KCND2: variants seen among roughly 807,000 people sequenced by gnomAD.
KCND2 encodes the protein potassium voltage-gated channel subfamily D member 2.
In KCND2, 16 loss-of-function variants were observed where a neutral mutation model predicts 54.4. The ratio of observed to expected loss-of-function variants is 0.29; its 90% CI spans 0.20 to 0.45. The LOEUF is 0.45. Among genes scored for constraint, KCND2 ranks in the 20% least tolerant of loss-of-function variants. The pLI is 1.00. For synonymous variants in KCND2, 317 were observed against 310.7 expected (o/e 1.02, Z -0.21); for missense variants, 486 against 824.2 (o/e 0.59, Z 5.02).
At chr7:120,568,776 G>A (rs1477255483) in intron 1 of KCND2, among the ~76,000 whole-genome samples, 2 of 152,136 alleles carry the variant, frequency 1.3e-5, no homozygotes, top group Non-Finnish European at 2.9e-5. Flanking sequence ...GGGTTGCTTT[G>A]AGGATAAAAC....
At chr7:120,706,973 C>G (rs939257620) in intron 1 of KCND2, among the ~76,000 whole-genome samples, 1 of 152,042 alleles carries the variant, frequency 6.6e-6, no homozygotes, top group Non-Finnish European at 1.5e-5. Context: ...AGTTGAGGTA[C>G]AAAACACAAG....
At chr7:120,399,444 TTAAAAA>T (rs1464340929) in intron 1 of KCND2, among the ~76,000 whole-genome samples, 1 of 151,738 alleles carries the variant, frequency 6.6e-6, no homozygotes, top group Non-Finnish European at 1.5e-5. Flanking sequence ...CTTTTACTAC[TTAAAAA>T]TAAAAAATGT....
chr7:120,506,813 C>A (rs1244952204), intron 1 of KCND2, among the ~76,000 whole-genome samples: 1 of 151,760 alleles, frequency 6.6e-6, no homozygotes, highest in African/African-American at 2.4e-5. Context: ...TATCTGTAGA[C>A]AGAATTTTTT....
chr7:120,495,493 C>T (rs1044116152), intron 1 of KCND2, among the ~76,000 whole-genome samples: 1 of 152,202 alleles, frequency 6.6e-6, no homozygotes, highest in Admixed American at 6.5e-5. Context: ...GTTACTGACC[C>T]AGAACTATGC....
chr7:120,645,257 T>C (rs1008094822), intron 1 of KCND2, among the ~76,000 whole-genome samples: 2 of 152,216 alleles, frequency 1.3e-5, no homozygotes, highest in African/African-American at 4.8e-5. Context: ...GTCTAGTGGC[T>C]GACCACGTGT....
intron 1 of KCND2, among the ~76,000 whole-genome samples, chr7:120,560,894 A>G (rs568865403): frequency 3.9e-5 from 6 of 152,220 alleles, no homozygotes; most frequent in Admixed American, 2.0e-4. Flanking sequence ...GAGAAGTTGT[A>G]TGTGACTAGC....
At chr7:120,364,349 A>G (rs907543525) in intron 1 of KCND2, among the ~76,000 whole-genome samples, 5 of 152,168 alleles carry the variant, frequency 3.3e-5, no homozygotes, top group African/African-American at 7.2e-5. Context: ...TTTTGGTACT[A>G]TTAACTCCAG....
intron 1 of KCND2, among the ~76,000 whole-genome samples, chr7:120,437,614 A>G (rs1801887993): frequency 6.6e-6 from 1 of 152,208 alleles, no homozygotes; most frequent in Non-Finnish European, 1.5e-5. Flanking sequence ...CCAACCCCCT[A>G]GAGATAAATG....
At chr7:120,683,627 C>T (rs961724438) in intron 1 of KCND2, among the ~76,000 whole-genome samples, 1 of 152,070 alleles carries the variant, frequency 6.6e-6, no homozygotes, top group African/African-American at 2.4e-5. Flanking sequence ...ATGATTATGA[C>T]ATTCTGTGTC....
At chr7:120,509,202 T>C (rs1475962619) in intron 1 of KCND2, among the ~76,000 whole-genome samples, 7 of 151,994 alleles carry the variant, frequency 4.6e-5, no homozygotes, top group Non-Finnish European at 1.0e-4. Context: ...TGTGATGTGG[T>C]ATTCTGGATG....
chr7:120,300,444 T>A (rs780279830), intron 1 of KCND2, among the ~76,000 whole-genome samples: 1 of 152,030 alleles, frequency 6.6e-6, no homozygotes, highest in Non-Finnish European at 1.5e-5. Flanking sequence ...CCTTAGAAAA[T>A]AAAGAGCATT....
At chr7:120,546,627 ATTC>A (rs1792045404) in intron 1 of KCND2, among the ~76,000 whole-genome samples, 1 of 151,888 alleles carries the variant, frequency 6.6e-6, no homozygotes, top group Non-Finnish European at 1.5e-5. Flanking sequence ...ATTTTTTATA[ATTC>A]TTCTATCTCC....
intron 1 of KCND2, among the ~76,000 whole-genome samples, chr7:120,530,911 C>T (rs1002502641): frequency 2.0e-5 from 3 of 152,028 alleles, no homozygotes; most frequent in East Asian, 1.9e-4. Flanking sequence ...TCAGGTTACA[C>T]GATTCATCAT....
chr7:120,676,116 G>A, intron 1 of KCND2, among the ~76,000 whole-genome samples: 1 of 152,124 alleles, frequency 6.6e-6, no homozygotes, highest in East Asian at 1.9e-4. Flanking sequence ...GAGATTACAG[G>A]TGTGAGCCAC....
Position 120,275,560 on chromosome 7 carries a change from C to T in KCND2, c.928C>T (p.Leu310=), listed in dbSNP as rs1799161143. The T allele has an allele frequency of 6.2e-7, 1 of 1,613,632 alleles. No individual in the cohort carries two copies. The highest frequency in any genetic ancestry group is 1.7e-5 in the Admixed American group (1 of 59,968). ...IFKFSRHSQG[L]RILGYTLKSC... ...TAAGTTTTCCCGCCACTCTCAAGGCCTGCGCATCCTGGGGTACACACTGAA... is the reference window on the plus strand; with the variant it reads ...TAAGTTTTCCCGCCACTCTCAAGGCTTGCGCATCCTGGGGTACACACTGAA... The change falls in exon 1 of 6, where the codon CTG becomes TTG. Residue 310 remains leucine, a synonymous_variant. Transcript: ENST00000331113.
intron 1 of KCND2, among the ~76,000 whole-genome samples, chr7:120,327,439 A>T (rs1221077353): frequency 2.6e-5 from 4 of 152,066 alleles, no homozygotes; most frequent in Non-Finnish European, 4.4e-5. Context: ...TTAGAATTCC[A>T]CCTCCTTCCT....
intron 1 of KCND2, among the ~76,000 whole-genome samples, chr7:120,507,810 G>A (rs1803050437): frequency 6.6e-6 from 1 of 151,596 alleles, no homozygotes; most frequent in African/African-American, 2.4e-5. Context: ...ACTAAAACCT[G>A]ATAATTAAAC....
At chr7:120,280,431 T>C (rs1422370593) in intron 1 of KCND2, among the ~76,000 whole-genome samples, 1 of 152,072 alleles carries the variant, frequency 6.6e-6, no homozygotes, top group African/African-American at 2.4e-5. Context: ...TATTTCAACA[T>C]AGTACCCTAG....
At chr7:120,747,550 A>G (rs900913206) in intron 5 of KCND2, 131 bp from the exon 6 acceptor site, 15 of 661,658 alleles carry the variant, frequency 2.3e-5, no homozygotes, top group Non-Finnish European at 3.7e-5. Flanking sequence ...GGTGTTTCAT[A>G]TTTTTAATTA....
Sources: allele counts gnomAD v4.1 joint callset (sites outside exome capture counted in the v4.1 genomes callset), GRCh38; gene constraint gnomAD v4.1.1; transcripts MANE v1.5; gene names NCBI Gene and HGNC (gene_info 2026-07-23, HGNC 2026-07-21).